The following WDR7 variants were observed in gnomAD, a reference collection of about 807,000 sequenced individuals.
WDR7 encodes WD repeat-containing protein 7.
A neutral mutation model predicts 169.4 loss-of-function variants in WDR7; 46 were observed. That is an observed-to-expected ratio of 0.27 (90% CI 0.21 to 0.35). WDR7 has a LOEUF of 0.35. Ranked by LOEUF, WDR7 falls within the 10% of genes least tolerant of loss-of-function variation. The pLI is 1.00. For synonymous variants in WDR7, 612 were observed against 666.8 expected, an observed-to-expected ratio of 0.92 and a Z score of 1.27; for missense variants, 1,534 against 1,859.3, an observed-to-expected ratio of 0.83 and a Z score of 3.22.
intron 20 of WDR7, among the ~76,000 whole-genome samples, chr18:56,829,832 G>A (rs1326210207): frequency 6.6e-6 from 1 of 152,206 alleles, no homozygotes; most frequent in East Asian, 1.9e-4. Context: ...TGTGAATGTG[G>A]AGTGTGTATG....
At chr18:56,932,749 G>A (rs1298434228) in intron 22 of WDR7, among the ~76,000 whole-genome samples, 1 of 152,050 alleles carries the variant, frequency 6.6e-6, no homozygotes, top group African/African-American at 2.4e-5. Flanking sequence ...GTCCAGGGTG[G>A]CCACAGGACA....
chr18:56,691,075 T>C (rs1386358567), intron 7 of WDR7, 141 bp from the exon 8 acceptor site: 22 of 1,189,838 alleles, frequency 1.8e-5, no homozygotes, highest in Non-Finnish European at 2.6e-5. Context: ...CCAGGGCTTA[T>C]TGACAAACTT....
intron 20 of WDR7, among the ~76,000 whole-genome samples, chr18:56,869,450 C>A (rs2045924490): frequency 6.6e-6 from 1 of 152,250 alleles, no homozygotes; most frequent in Admixed American, 6.5e-5. Flanking sequence ...AGCAGCAACA[C>A]CAGCAGCAAA....
chr18:56,870,260 T>C (rs1335326296), intron 20 of WDR7, among the ~76,000 whole-genome samples: 2 of 152,202 alleles, frequency 1.3e-5, no homozygotes, highest in African/African-American at 4.8e-5. Flanking sequence ...ATATATCTGA[T>C]AAAATTTGAC....
intron 25 of WDR7, among the ~76,000 whole-genome samples, chr18:56,951,692 ATATT>A (rs1266363926): frequency 1.3e-5 from 2 of 152,110 alleles, no homozygotes; most frequent in African/African-American, 4.8e-5. Context: ...ATATCTTAAG[ATATT>A]TATATGCACA....
chr18:56,676,771 G>A (rs2025253548), intron 2 of WDR7, among the ~76,000 whole-genome samples: 1 of 151,726 alleles, frequency 6.6e-6, no homozygotes, highest in African/African-American at 2.4e-5. Flanking sequence ...GAGTGGAGTG[G>A]CATGACCTTG....
At chr18:56,763,251 C>T (rs112196649) in intron 16 of WDR7, among the ~76,000 whole-genome samples, 11,460 of 152,050 alleles carry the variant, frequency 0.075, 501 homozygotes, top group Middle Eastern at 0.13. Context: ...TGGCCTTCTT[C>T]GATGTTCTTT....
chr18:56,856,129 CTT>C (rs983929900), intron 20 of WDR7, among the ~76,000 whole-genome samples: 2 of 152,178 alleles, frequency 1.3e-5, no homozygotes, highest in African/African-American at 4.8e-5. Context: ...AAGACTGACT[CTT>C]TAGAACAATC....
chr18:56,651,910 A>T (rs1378950044), intron 1 of WDR7: 1 of 152,294 alleles, frequency 6.6e-6, no homozygotes. Flanking sequence ...GTTGGTGGTT[A>T]TTGACAGCAA....
At position 56,911,093 on chromosome 18, in the gene WDR7, C is replaced by T. The variant is rs892994619; in HGVS notation, c.3527-12829C>T. On this transcript the variant is annotated intron_variant, in intron 21 of 27. Coordinates refer to ENST00000254442, the MANE Select transcript of WDR7 (RefSeq NM_015285.3). ...ACCCCTTTCATCCCAGAATTCTGAG[C>T]GTGGGCTTGCTGCTGTGGTCAGGCT... Among the ~76,000 whole-genome samples the T allele has an allele frequency of 2.0e-5, 3 of 152,214 alleles. No homozygotes were observed. The East Asian group carries it at 5.8e-4, about 29-fold the overall frequency.
At chr18:56,951,400 C>T (rs1361846634) in intron 25 of WDR7, among the ~76,000 whole-genome samples, 3 of 152,208 alleles carry the variant, frequency 2.0e-5, no homozygotes, top group East Asian at 3.9e-4. Context: ...CTCACACCCT[C>T]TTCCTCACCT....
chr18:56,706,659 C>G (rs1241319642), intron 12 of WDR7, among the ~76,000 whole-genome samples: 1 of 152,034 alleles, frequency 6.6e-6, no homozygotes, highest in Non-Finnish European at 1.5e-5. Flanking sequence ...TTTCAGTACT[C>G]AAATGACTTT....
At chr18:56,840,955 C>A (rs2045476096) in intron 20 of WDR7, among the ~76,000 whole-genome samples, 1 of 151,790 alleles carries the variant, frequency 6.6e-6, no homozygotes, top group African/African-American at 2.4e-5. Flanking sequence ...TTTGAGGGGC[C>A]AAGACAGGGG....
chr18:56,882,237 C>T (rs2046119228), intron 21 of WDR7, among the ~76,000 whole-genome samples: 1 of 152,164 alleles, frequency 6.6e-6, no homozygotes, highest in Non-Finnish European at 1.5e-5. Flanking sequence ...TTCAGACAGC[C>T]CAGGACTTAA....
At chr18:56,848,973 C>A (rs763623175) in intron 20 of WDR7, among the ~76,000 whole-genome samples, 1 of 152,126 alleles carries the variant, frequency 6.6e-6, no homozygotes, top group South Asian at 2.1e-4. Context: ...TTAACTTTTC[C>A]CACTTACTAA....
chr18:56,732,776 C>T (rs748872649), intron 14 of WDR7, among the ~76,000 whole-genome samples: 16 of 152,208 alleles, frequency 1.1e-4, no homozygotes, highest in Admixed American at 4.6e-4. Context: ...CCTTCAGTTA[C>T]TTCCAAGGAA....
chr18:57,010,028 G>T, intron 26 of WDR7: 1 of 985,446 alleles, frequency 1.0e-6, no homozygotes. Flanking sequence ...GTGTACATGT[G>T]TCTGCTGAAG....
chr18:56,942,079 C>T (rs7232578), intron 25 of WDR7, among the ~76,000 whole-genome samples: 18,287 of 152,126 alleles, frequency 0.12, 3,516 homozygotes, highest in African/African-American at 0.41. Context: ...GCAGGGTTTA[C>T]TCCTGGCCAG....
intron 21 of WDR7, among the ~76,000 whole-genome samples, chr18:56,903,592 G>T (rs1367766932): frequency 1.3e-5 from 2 of 151,796 alleles, no homozygotes; most frequent in Non-Finnish European, 2.9e-5. Context: ...GCTAATTTTT[G>T]TATTTTTAGT....
Sources: allele counts gnomAD v4.1 joint callset (sites outside exome capture counted in the v4.1 genomes callset), GRCh38; gene constraint gnomAD v4.1.1; transcripts MANE v1.5; gene names NCBI Gene and HGNC (gene_info 2026-07-23, HGNC 2026-07-21).